The following NAA35 variants were observed in gnomAD, a reference collection of about 807,000 sequenced individuals.
NAA35 encodes N-alpha-acetyltransferase 35, NatC auxiliary subunit.
NAA35 carries 18 observed loss-of-function variants against 101.7 expected under a neutral mutation model. That is an observed-to-expected ratio of 0.18 (90% CI 0.12 to 0.26). NAA35 has a LOEUF of 0.26. Among genes scored for constraint, NAA35 ranks in the 10% least tolerant of loss-of-function variants. NAA35 has a pLI of 1.00. For synonymous variants in NAA35, 267 were observed against 273.1 expected (o/e 0.98, Z 0.22); for missense variants, 601 against 886.8 (o/e 0.68, Z 4.09).
intron 2 of NAA35, among the ~76,000 whole-genome samples, chr9:85,947,588 T>C (rs1828826060): frequency 6.6e-6 from 1 of 152,208 alleles, no homozygotes; most frequent in Non-Finnish European, 1.5e-5. Flanking sequence ...GGGTGATTTT[T>C]CACCTCAAGG....
At chr9:86,014,030 A>C in intron 17 of NAA35, 133 bp downstream of exon 17, 6 of 645,718 alleles carry the variant, frequency 9.3e-6, no homozygotes, top group Non-Finnish European at 1.5e-5. Context: ...AAAAATTTGA[A>C]AATTAGAGCT....
intron 6 of NAA35, among the ~76,000 whole-genome samples, chr9:85,966,882 A>G (rs10732696): frequency 0.79 from 120,478 of 152,202 alleles, 48,246 homozygotes; most frequent in African/African-American, 0.92. Context: ...CAAGATGGGC[A>G]GATCACCTGA....
chr9:85,996,398 G>C lies in NAA35; in HGVS notation c.878-1G>C, dbSNP rs1244478288. The C allele has an allele frequency of 6.4e-7, 1 of 1,557,684 alleles. No homozygotes were observed. The highest frequency in any genetic ancestry group is 8.6e-7 in the Non-Finnish European group (1 of 1,161,948). On this transcript the variant is annotated splice_acceptor_variant, in intron 11 of 22. Transcript: ENST00000361671. LOFTEE classifies it high-confidence loss of function. ...TTTTACTTTCATTTTTTTCTTTTTA[G>C]ATCATCCAATTATGATGGGTTTTGA...
intron 6 of NAA35, among the ~76,000 whole-genome samples, chr9:85,962,890 A>T (rs903699412): frequency 1.3e-5 from 2 of 152,204 alleles, no homozygotes; most frequent in Non-Finnish European, 2.9e-5. Flanking sequence ...ATTTTCCTTT[A>T]GTTTGTCCTA....
In NAA35 at chr9:85,941,292, T is replaced by C. The variant is rs1401389243; in HGVS notation, c.-6+19T>C. On this transcript the variant is annotated intron_variant, in intron 1 of 22. Coordinates refer to ENST00000361671, the MANE Select transcript of NAA35 (RefSeq NM_024635.4). ...GAAGTAGGTAGGGACCGCCCCTGCG[T>C]AGCCATTGAAACCCTCTCGCTCGTG... 3 of 985,428 alleles carry C rather than the reference T, an allele frequency of 3.0e-6. No individual in the cohort carries two copies. In the African/African-American group the frequency reaches 5.2e-5, roughly 17 times the overall value. The allele number at this position is 985,428 out of a possible 1,614,324, so 61.0% of individuals were successfully genotyped here. A position where few individuals can be genotyped will look rare whatever the true frequency, so the allele number is the denominator to read the frequency against.
chr9:85,974,366 AG>A (rs1418193773), intron 6 of NAA35, among the ~76,000 whole-genome samples: 1 of 152,202 alleles, frequency 6.6e-6, no homozygotes. Context: ...TTTTCTTCAA[AG>A]GAAGTCCAGC....
chr9:85,955,087 T>G (rs546484979), intron 2 of NAA35, among the ~76,000 whole-genome samples: 3 of 151,354 alleles, frequency 2.0e-5, no homozygotes, highest in African/African-American at 4.9e-5. Context: ...CTGGCTATTT[T>G]TGTATTTTTA....
At chr9:85,954,591 T>C (rs1829156229) in intron 2 of NAA35, among the ~76,000 whole-genome samples, 1 of 152,224 alleles carries the variant, frequency 6.6e-6, no homozygotes, top group African/African-American at 2.4e-5. Context: ...TGAATAGTGA[T>C]CATCAAGGGC....
intron 15 of NAA35, among the ~76,000 whole-genome samples, chr9:86,010,404 T>C (rs1232738061): frequency 6.6e-6 from 1 of 152,072 alleles, no homozygotes; most frequent in Non-Finnish European, 1.5e-5. Context: ...TAAGGTCTTC[T>C]GATAGGTTAT....
intron 16 of NAA35, 145 bp downstream of exon 16, chr9:86,013,289 C>A: frequency 2.1e-6 from 1 of 469,992 alleles, no homozygotes; most frequent in South Asian, 6.4e-5. Context: ...TTTCTTACAC[C>A]AACGTTTACA....
chr9:86,012,650 T>C (rs1486232911), intron 15 of NAA35, among the ~76,000 whole-genome samples: 1 of 152,180 alleles, frequency 6.6e-6, no homozygotes, highest in African/African-American at 2.4e-5. Context: ...TAGTCAAGCT[T>C]TATGGCTATT....
chr9:85,952,449 C>G (rs1829062536), intron 2 of NAA35, among the ~76,000 whole-genome samples: 1 of 151,852 alleles, frequency 6.6e-6, no homozygotes, highest in African/African-American at 2.4e-5. Flanking sequence ...CCATGCCAAG[C>G]TAATTTTGTA....
At chr9:86,014,025 T>A (rs778420021) in intron 17 of NAA35, 128 bp downstream of exon 17, 1 of 726,226 alleles carries the variant, frequency 1.4e-6, no homozygotes, top group Non-Finnish European at 2.1e-6. Context: ...GTTGGAAAAA[T>A]TTGAAAATTA....
At chr9:86,018,105 T>C in intron 19 of NAA35, 150 bp from the exon 20 acceptor site, 3 of 656,846 alleles carry the variant, frequency 4.6e-6, no homozygotes, top group Non-Finnish European at 7.5e-6. Flanking sequence ...AAATAGGACC[T>C]GTGCTTATGA....
intron 11 of NAA35, among the ~76,000 whole-genome samples, chr9:85,981,854 T>G (rs927091272): frequency 6.6e-6 from 1 of 152,178 alleles, no homozygotes; most frequent in African/African-American, 2.4e-5. Context: ...GAGAAAATAA[T>G]AGTATAGATT....
At chr9:85,969,703 T>TA (rs1056770853) in intron 6 of NAA35, among the ~76,000 whole-genome samples, 1 of 151,896 alleles carries the variant, frequency 6.6e-6, no homozygotes, top group African/African-American at 2.4e-5. Flanking sequence ...CTACAAAAAA[T>TA]AAAAAATTTA....
chr9:85,986,444 C>T, intron 11 of NAA35: 1 of 470,108 alleles, frequency 2.1e-6, no homozygotes, highest in Admixed American at 2.3e-5. Flanking sequence ...TTTTGTTTTA[C>T]ACATTGTCTC....
chr9:85,976,518 A>G (rs1830219178), intron 8 of NAA35, among the ~76,000 whole-genome samples, 167 bp from the exon 9 acceptor site: 1 of 152,154 alleles, frequency 6.6e-6, no homozygotes, highest in East Asian at 1.9e-4. Flanking sequence ...TTCTGTGTAT[A>G]GGATTAATAG....
At chr9:85,971,121 A>G (rs1042523750) in intron 6 of NAA35, among the ~76,000 whole-genome samples, 1 of 152,192 alleles carries the variant, frequency 6.6e-6, no homozygotes, top group Non-Finnish European at 1.5e-5. Context: ...CCTTGATCCC[A>G]TGGCTCCTTG....
Sources: gnomAD v4.1 joint callset for allele counts (sites outside exome capture counted in the v4.1 genomes callset) on GRCh38, gnomAD v4.1.1 for gene constraint, MANE v1.5 for transcripts, NCBI Gene and HGNC (gene_info 2026-07-23, HGNC 2026-07-21) for gene names.